CLASP2: variants seen among roughly 807,000 people sequenced by gnomAD.
CLASP2 encodes CLIP-associating protein 2.
CLASP2 carries 47 observed loss-of-function variants against 194.4 expected under a neutral mutation model. The observed-to-expected ratio is 0.24, with a 90% CI of 0.19 to 0.31. The LOEUF (loss-of-function observed/expected upper bound fraction) is 0.31, where lower values mean the gene tolerates loss of function less well. Among genes scored for constraint, CLASP2 ranks in the 10% least tolerant of loss-of-function variants. The pLI is 1.00. For missense variants in CLASP2, 1,445 were observed against 1,823.6 expected (o/e 0.79, Z 3.78); for synonymous variants, 619 against 633.5 (o/e 0.98, Z 0.34).
At chr3:33,707,218 T>C (rs944924961) in intron 1 of CLASP2, among the ~76,000 whole-genome samples, 2 of 152,174 alleles carry the variant, frequency 1.3e-5, no homozygotes, top group African/African-American at 2.4e-5. Flanking sequence ...CATGTCAAGA[T>C]AGGACAGTTT....
chr3:33,624,544 G>A (rs1040220934), intron 10 of CLASP2, among the ~76,000 whole-genome samples: 1 of 152,038 alleles, frequency 6.6e-6, no homozygotes, highest in Non-Finnish European at 1.5e-5. Flanking sequence ...AAGACCCCCA[G>A]TGGATGCCTG....
At chr3:33,712,212 A>G (rs887021587) in intron 1 of CLASP2, among the ~76,000 whole-genome samples, 13 of 152,230 alleles carry the variant, frequency 8.5e-5, no homozygotes, top group African/African-American at 3.1e-4. Context: ...TGTCTTTTAC[A>G]GCAACTTGGA....
In CLASP2 at chr3:33,717,959, T is replaced by G; in HGVS notation, c.44A>C (p.Gln15Pro). Residue 15 changes from glutamine (Q) to proline (P), a missense_variant, in exon 1 of 39, where the codon CAG becomes CCG. Physicochemically the swap from Gln to Pro is moderately conservative, Grantham distance 76 (BLOSUM62 -1). Around this residue, in one of 4 missense-constraint regions of CLASP2, gnomAD observed 332 missense variants for 325.3 expected, o/e 1.02. Transcript: ENST00000682230. ...CTGCAGCCGGCCGCCGACGTCCTTC[T>G]GCTGCACCTGGGCGCAGAAGTACTC... is the stretch of plus-strand genomic sequence containing the variant. ...SMEYFCAQVQQKDVGGRLQVG... is the reference protein window; with the variant it reads ...SMEYFCAQVQPKDVGGRLQVG... 1 of 1,543,884 alleles carries G rather than the reference T, an allele frequency of 6.5e-7. No individual in the cohort carries two copies. The highest frequency in any genetic ancestry group is 1.2e-5 in the South Asian group (1 of 83,976).
In CLASP2 at chr3:33,559,206, T is replaced by C. The variant is rs1466235316; in HGVS notation, c.3009+101A>G. ...AGTTTATAAAAACAAAACCCACTGA[T>C]TGAACAGCTTCTCATGTGACAGAAA... On this transcript the variant is annotated intron_variant, in intron 29 of 38. Transcript: ENST00000682230. 7 of 830,178 alleles carry C rather than the reference T, an allele frequency of 8.4e-6. No individual in the cohort carries two copies. In the East Asian group the frequency reaches 1.1e-4, roughly 13 times the overall value. The allele number at this position is 830,178 out of a possible 1,614,324, so 51.4% of individuals were successfully genotyped here. A position where few individuals can be genotyped will look rare whatever the true frequency, so the allele number is the denominator to read the frequency against.
chr3:33,516,959 G>A, intron 35 of CLASP2, 22 bp downstream of exon 35: 1 of 1,594,732 alleles, frequency 6.3e-7, no homozygotes, highest in Non-Finnish European at 8.6e-7. Context: ...AAAGGCTACT[G>A]TTTACATATT....
chr3:33,575,690 T>C (rs969954079), intron 24 of CLASP2, among the ~76,000 whole-genome samples: 1 of 152,148 alleles, frequency 6.6e-6, no homozygotes, highest in African/African-American at 2.4e-5. Flanking sequence ...GTGTCAGACA[T>C]AAAGAATTAT....
chr3:33,688,333 G>T lies in CLASP2; in HGVS notation c.414C>A (p.His138Gln). The T allele has an allele frequency of 1.3e-6, 2 of 1,592,830 alleles. No homozygotes were observed. Among genetic ancestry groups the T allele is most frequent in the Non-Finnish European group, 1.7e-6 (2 of 1,168,708 alleles). The change falls in exon 4 of 39, where the codon CAC becomes CAA. Residue 138 changes from histidine to glutamine, a missense_variant. Around this residue, in one of 4 missense-constraint regions of CLASP2, gnomAD observed 332 missense variants for 325.3 expected, o/e 1.02. Coordinates refer to ENST00000682230, the MANE Select transcript of CLASP2 (RefSeq NM_001365631.1). ...IWEQLASGFK[H>Q]KNFRSREGVC... is the part of the protein sequence containing the mutation. ...CGCCTTCTCGAGATCGAAAATTCTT[G>T]TGTTTAAAACCAGAAGCCAACTGCT...
chr3:33,521,186 G>A (rs2052975070), intron 34 of CLASP2, among the ~76,000 whole-genome samples: 1 of 151,980 alleles, frequency 6.6e-6, no homozygotes, highest in African/African-American at 2.4e-5. Context: ...TTACAAAAAT[G>A]TATGTCAATT....
rs535125431 is a variant in CLASP2 at position 33,522,994 on chromosome 3, C to T, written c.3788-5820G>A. Among the ~76,000 whole-genome samples, 394 of 152,138 alleles carry T rather than the reference C, an allele frequency of 2.6e-3. 6 individuals carry two copies. The highest frequency in any genetic ancestry group is 1.6e-3 in the Non-Finnish European group (110 of 67,984). On this transcript the variant is annotated intron_variant, in intron 34 of 38. Coordinates refer to ENST00000682230, the MANE Select transcript of CLASP2 (RefSeq NM_001365631.1). ...GGGAGGCTGAGACAGGAGAATGGCA[C>T]GAACCCAGGAGGCGGAGCTTGCAGT...
intron 17 of CLASP2, among the ~76,000 whole-genome samples, 194 bp downstream of exon 17, chr3:33,603,960 G>A (rs567690146): frequency 2.0e-5 from 3 of 152,276 alleles, no homozygotes; most frequent in East Asian, 3.9e-4. Context: ...ACAAGTAAGA[G>A]TAAGTATGGC....
chr3:33,615,679 C>T lies in CLASP2; in HGVS notation c.1318-3608G>A, dbSNP rs1376471242. Among the ~76,000 whole-genome samples the T allele has an allele frequency of 3.3e-5, 5 of 151,538 alleles. No homozygotes were observed. In the East Asian group the frequency reaches 5.8e-4, roughly 18 times the overall value. The stretch of plus-strand genomic sequence containing the variant: ...GAATTCTACATTTGTAAATGATAAC[C>T]AACTACCTATATAAAGTGATGACAT... On this transcript the variant is annotated intron_variant, in intron 12 of 38. Transcript: ENST00000682230.
At chr3:33,530,066 C>T (rs1486112813) in intron 34 of CLASP2, among the ~76,000 whole-genome samples, 1 of 150,320 alleles carries the variant, frequency 6.7e-6, no homozygotes. Flanking sequence ...ACAACAATGC[C>T]TTCTTGTGGA....
At chr3:33,526,358 C>T (rs2054559132) in intron 34 of CLASP2, among the ~76,000 whole-genome samples, 1 of 152,036 alleles carries the variant, frequency 6.6e-6, no homozygotes, top group Non-Finnish European at 1.5e-5. Context: ...AGATTTCGAA[C>T]CAACAAAGAT....
chr3:33,551,534 G>C, intron 29 of CLASP2, 139 bp from the exon 30 acceptor site: 2 of 788,448 alleles, frequency 2.5e-6, no homozygotes, highest in Non-Finnish European at 3.8e-6. Context: ...GGCAAGGTTG[G>C]TCTTGCGCTC....
At chr3:33,707,561 C>T (rs1403473262) in intron 1 of CLASP2, among the ~76,000 whole-genome samples, 1 of 152,244 alleles carries the variant, frequency 6.6e-6, no homozygotes, top group African/African-American at 2.4e-5. Flanking sequence ...ACGTTAATGG[C>T]CTCTAACATC....
At chr3:33,622,455 T>C (rs2077263667) in intron 10 of CLASP2, among the ~76,000 whole-genome samples, 175 bp from the exon 11 acceptor site, 1 of 152,186 alleles carries the variant, frequency 6.6e-6, no homozygotes, top group Non-Finnish European at 1.5e-5. Context: ...TAAATAAATA[T>C]GCCAACAAAA....
chr3:33,598,243 C>T (rs971928182), intron 18 of CLASP2, among the ~76,000 whole-genome samples: 1 of 151,992 alleles, frequency 6.6e-6, no homozygotes, highest in African/African-American at 2.4e-5. Context: ...GTCTACTCTC[C>T]CCAAATGGCT....
Position 33,588,807 on chromosome 3 carries a change from G to A in CLASP2, c.2068+3588C>T, listed in dbSNP as rs879094827. 1.0e-5 allele frequency: 7 copies of A among 689,072 alleles called. No individual in the cohort carries two copies. The South Asian group carries it at 1.1e-4, about 11-fold the overall frequency. 42.7% of individuals were successfully genotyped at this position (689,072 alleles called of 1,614,324 possible). A position where few individuals can be genotyped will look rare whatever the true frequency, so the allele number is the denominator to read the frequency against. On this transcript the variant is annotated intron_variant, in intron 21 of 38. Coordinates refer to ENST00000682230, the MANE Select transcript of CLASP2 (RefSeq NM_001365631.1). ...GGGAAGGAGCAGTTTTTAAATGGAT[G>A]GCAGATGGAAATAAGAAAGCTTTAG...
intron 30 of CLASP2, among the ~76,000 whole-genome samples, chr3:33,549,400 T>C (rs568277369): frequency 2.0e-5 from 3 of 152,368 alleles, no homozygotes; most frequent in South Asian, 2.1e-4. Flanking sequence ...CTTTATCCCA[T>C]ACATTTTGGT....
Sources: gnomAD v4.1 joint callset for allele counts (sites outside exome capture counted in the v4.1 genomes callset) on GRCh38, gnomAD v4.1.1 for gene constraint, gnomAD v4.1.1 regional missense constraint, MANE v1.5 for transcripts, NCBI Gene and HGNC (gene_info 2026-07-23, HGNC 2026-07-21) for gene names.